Variants in UBXN11 observed in about 807,000 individuals in gnomAD.
The protein encoded by UBXN11 is UBX domain-containing protein 11.
Under a neutral mutation model 62.8 loss-of-function variants are expected in UBXN11, and 47 were observed. The observed-to-expected ratio is 0.75, with a 90% CI of 0.59 to 0.95. The LOEUF (loss-of-function observed/expected upper bound fraction) is 0.95, where lower values mean the gene tolerates loss of function less well. UBXN11 is among the 40% of genes least tolerant of loss of function. The pLI, the probability that UBXN11 is intolerant of heterozygous loss-of-function variation, is 0.00. For missense variants in UBXN11, 638 were observed against 661.7 expected (o/e 0.96, Z 0.39); for synonymous variants, 294 against 267.0 (o/e 1.10, Z -0.99).
intron 8 of UBXN11, among the ~76,000 whole-genome samples, chr1:26,293,190 T>C (rs1264802277): frequency 6.6e-6 from 1 of 152,110 alleles, no homozygotes; most frequent in African/African-American, 2.4e-5. Flanking sequence ...AACACTCCTG[T>C]TTTGTTGATG....
intron 4 of UBXN11, among the ~76,000 whole-genome samples, chr1:26,299,863 C>T (rs1407621456): frequency 1.3e-5 from 2 of 152,018 alleles, no homozygotes; most frequent in Admixed American, 6.6e-5. Context: ...GGTATGGTGG[C>T]TCATGCCTGT....
rs770164652 is a variant in UBXN11, at chr1:26,282,350, ACCGGGACTGGGG to A, written c.1500_1511del (p.Ser502_Pro505del). On this transcript the variant is annotated inframe_deletion, in exon 15 of 15. Coordinates refer to ENST00000374222, the MANE Select transcript of UBXN11 (RefSeq NM_001389556.1). ...GACAGGGACTGGGGCCGGGACCGGGACCGGGACTGGGGCCGGGACCGGGACCGGGACTGGGGC... is the reference window on the plus strand; with the variant it reads ...GACAGGGACTGGGGCCGGGACCGGGACCGGGACCGGGACCGGGACTGGGGC... 1.2e-4 allele frequency: 41 copies of A among 333,200 alleles called. No individual in the cohort carries two copies. Among genetic ancestry groups the A allele is most frequent in the South Asian group, 4.6e-4 (14 of 30,300 alleles). The allele number at this position is 333,200 out of a possible 1,614,324, so 20.6% of individuals were successfully genotyped here.
upstream of UBXN11, among the ~76,000 whole-genome samples, chr1:26,311,402 A>G (rs2073743443): frequency 6.6e-6 from 1 of 150,886 alleles, no homozygotes; most frequent in Admixed American, 6.6e-5. Flanking sequence ...AGCCTCCCAA[A>G]GTGCTGGGAT....
chr1:26,310,304 G>A (rs545432742), upstream of UBXN11, among the ~76,000 whole-genome samples: 1 of 152,244 alleles, frequency 6.6e-6, no homozygotes, highest in South Asian at 2.1e-4. Flanking sequence ...TTGGGAGGCT[G>A]AGGTGGGTGG....
chr1:26,312,979 CAAAAAAA>C (rs55777309), intron 1 of UBXN11, among the ~76,000 whole-genome samples: 58 of 48,146 alleles, frequency 1.2e-3, no homozygotes, highest in East Asian at 8.5e-3. Context: ...AACTCTGTCT[CAAAAAAA>C]AAAAAAAAAA....
chr1:26,316,778 C>T (rs2073799185), intron 1 of UBXN11, among the ~76,000 whole-genome samples: 1 of 151,938 alleles, frequency 6.6e-6, no homozygotes, highest in African/African-American at 2.4e-5. Context: ...TCTCATCCCC[C>T]CACCCCTCCC....
chr1:26,315,469 C>T (rs2073782642), intron 1 of UBXN11, among the ~76,000 whole-genome samples: 1 of 152,182 alleles, frequency 6.6e-6, no homozygotes, highest in Non-Finnish European at 1.5e-5. Context: ...GAATCACTCA[C>T]CCCCACAGGC....
intron 10 of UBXN11, chr1:26,285,221 C>T (rs1389207096): frequency 2.3e-6 from 3 of 1,306,358 alleles, no homozygotes; most frequent in Non-Finnish European, 2.9e-6. Context: ...GACTAGAAGG[C>T]AGGGGCCCCG....
Position 26,282,771 on chromosome 1 carries a change from G to A in UBXN11, c.1170C>T (p.Asn390=). 6.2e-7 allele frequency: 1 copy of A among 1,614,154 alleles called. No homozygotes were observed. The highest frequency in any genetic ancestry group is 2.2e-5 in the East Asian group (1 of 44,872). Residue 390 remains asparagine (N), a synonymous_variant, in exon 14 of 15, where the codon AAC becomes AAT. Coordinates refer to ENST00000374222, the MANE Select transcript of UBXN11 (RefSeq NM_001389556.1). The part of the protein sequence containing the change: ...AERERSQESP[N]TPAPPLSMLR... ...GCATGGAGAGCGGGGGTGCCGGCGT[G>A]TTGGGTGACTCCTGGCTCCTGCACA...
rs1160605126 is a variant in UBXN11 at position 26,300,990 on chromosome 1, GCC to G, written c.133_134del (p.Gly45LeufsTer27). The G allele has an allele frequency of 1.2e-6, 2 of 1,614,062 alleles. No individual in the cohort carries two copies. Among genetic ancestry groups the G allele is most frequent in the Non-Finnish European group, 1.7e-6 (2 of 1,180,024 alleles). On this transcript the variant is annotated frameshift_variant, in exon 4 of 15. Coordinates refer to ENST00000374222, the MANE Select transcript of UBXN11 (RefSeq NM_001389556.1). LOFTEE classifies it high-confidence loss of function. ...AAGGGACTGAGATCTTTTCTTCTGA[GCC>G]ACACCCATCACTCAACATGTCCACC... ...DEVDMLSDGCGSEEKISVPSC... is the reference protein window; with the variant it reads ...DEVDMLSDGCXSEEKISVPSC...
At chr1:26,296,896 C>A (rs2073406651) in intron 7 of UBXN11, 23 bp downstream of exon 7, 3 of 1,590,996 alleles carry the variant, frequency 1.9e-6, no homozygotes, top group Non-Finnish European at 2.6e-6. Context: ...CTGCCCGCAT[C>A]CCCCGGGGCC....
rs977183992 is a variant in UBXN11 at position 26,286,918 on chromosome 1, C to T, written c.560-881G>A. Among the ~76,000 whole-genome samples, 4 of 152,106 alleles carry T rather than the reference C, an allele frequency of 2.6e-5. No individual in the cohort carries two copies. In the South Asian group the frequency reaches 8.3e-4, roughly 31 times the overall value. On this transcript the variant is annotated intron_variant, in intron 8 of 14. Coordinates refer to ENST00000374222, the MANE Select transcript of UBXN11 (RefSeq NM_001389556.1). ...TTCATCATATTGGTCAGGCTGGTCT[C>T]GAACTCCTGACCTCAGGTGATCCGC...
intron 1 of UBXN11, among the ~76,000 whole-genome samples, chr1:26,314,633 C>A (rs1023334228): frequency 3.3e-5 from 5 of 152,044 alleles, no homozygotes; most frequent in African/African-American, 1.2e-4. Context: ...TGAATACACG[C>A]ACTCATTCTT....
chr1:26,283,128 T>C (rs2073042099), intron 12 of UBXN11, among the ~76,000 whole-genome samples, 191 bp from the exon 13 acceptor site: 2 of 152,062 alleles, frequency 1.3e-5, no homozygotes, highest in African/African-American at 4.8e-5. Context: ...GGCAGCCCCA[T>C]GGTTCCCCCC....
At chr1:26,309,175 C>T (rs369230216), upstream of UBXN11, among the ~76,000 whole-genome samples, 164 of 151,348 alleles carry the variant, frequency 1.1e-3, 1 homozygote, top group African/African-American at 3.8e-3. Context: ...CCTTGTGATC[C>T]GCCCACCTCA....
At chr1:26,299,427 G>C (rs1169539529) in intron 4 of UBXN11, among the ~76,000 whole-genome samples, 1 of 151,086 alleles carries the variant, frequency 6.6e-6, no homozygotes, top group African/African-American at 2.4e-5. Flanking sequence ...TGGGAGGACT[G>C]CTTGAGCCTG....
At chr1:26,285,647 C>T (rs1334953998) in intron 9 of UBXN11, 106 bp from the exon 10 acceptor site, 8 of 1,374,032 alleles carry the variant, frequency 5.8e-6, no homozygotes, top group Middle Eastern at 2.6e-4. Flanking sequence ...CCCAGTGCCG[C>T]ACTCTGGAAA....
chr1:26,294,523 C>G (rs112241766), intron 7 of UBXN11, among the ~76,000 whole-genome samples, 192 bp from the exon 8 acceptor site: 7 of 152,344 alleles, frequency 4.6e-5, no homozygotes, highest in African/African-American at 1.7e-4. Flanking sequence ...GTCCCTAGAG[C>G]CTCAGACGAC....
intron 4 of UBXN11, 143 bp from the exon 5 acceptor site, chr1:26,298,205 CA>C: frequency 1.3e-6 from 1 of 770,558 alleles, no homozygotes; most frequent in Non-Finnish European, 2.1e-6. Context: ...CTGTTCTAAA[CA>C]CTTCATGTAG....
Sources: gnomAD v4.1 joint callset for allele counts (sites outside exome capture counted in the v4.1 genomes callset) on GRCh38, gnomAD v4.1.1 for gene constraint, MANE v1.5 for transcripts, NCBI Gene and HGNC (gene_info 2026-07-23, HGNC 2026-07-21) for gene names.